The following ANKH variants were observed in gnomAD, a reference collection of about 807,000 sequenced individuals.
ANKH encodes the protein ANKH inorganic pyrophosphate transport regulator, also known as mineralization regulator ANKH.
In ANKH, 15 loss-of-function variants were observed where a neutral mutation model predicts 49.0. That is an observed-to-expected ratio of 0.31 (90% CI 0.20 to 0.47). The LOEUF (loss-of-function observed/expected upper bound fraction) is 0.47, where lower values mean the gene tolerates loss of function less well. Among genes scored for constraint, ANKH ranks in the 20% least tolerant of loss-of-function variants. ANKH has a pLI of 1.00. For synonymous variants in ANKH, 273 were observed against 260.0 expected (o/e 1.05, Z -0.48); for missense variants, 429 against 652.0 (o/e 0.66, Z 3.72).
intron 1 of ANKH, among the ~76,000 whole-genome samples, chr5:14,824,178 A>C (rs1741275532): frequency 6.6e-6 from 1 of 152,186 alleles, no homozygotes; most frequent in Non-Finnish European, 1.5e-5. Flanking sequence ...GAAAAAAAAT[A>C]GTCTCTGATG....
At chr5:14,756,468 A>G (rs1012926084) in intron 3 of ANKH, among the ~76,000 whole-genome samples, 4 of 152,230 alleles carry the variant, frequency 2.6e-5, no homozygotes, top group African/African-American at 9.6e-5. Flanking sequence ...CGAGGGGAGC[A>G]GACGAAAAGC....
In ANKH at chr5:14,803,488, C is replaced by G. The variant is rs538407589; in HGVS notation, c.97-34297G>C. Among the ~76,000 whole-genome samples, 6 of 152,282 alleles carry G rather than the reference C, an allele frequency of 3.9e-5. No homozygotes were observed. In the South Asian group the frequency reaches 1.2e-3, roughly 32 times the overall value. ...AGACATGGGGTTTCGCCATCTTGGCCAGGCTGGTCTCAAACTCCTGATCTC... is the reference window on the plus strand; with the variant it reads ...AGACATGGGGTTTCGCCATCTTGGCGAGGCTGGTCTCAAACTCCTGATCTC... On this transcript the variant is annotated intron_variant, in intron 1 of 11. Transcript: ENST00000284268.
chr5:14,751,742 C>T (rs1738727594), intron 4 of ANKH, among the ~76,000 whole-genome samples: 1 of 152,108 alleles, frequency 6.6e-6, no homozygotes, highest in Admixed American at 6.5e-5. Flanking sequence ...TCAAGAATTG[C>T]CACTGACATT....
intron 1 of ANKH, among the ~76,000 whole-genome samples, chr5:14,793,052 ATATAT>A (rs1740245780): frequency 2.1e-5 from 1 of 48,586 alleles, no homozygotes. Context: ...ATATATAAAT[ATATAT>A]AAAATATATA....
chr5:14,713,792 C>T lies in ANKH; in HGVS notation c.1142-125G>A, dbSNP rs760981706. On this transcript the variant is annotated intron_variant, in intron 9 of 11. Transcript: ENST00000284268. This position sits in a 1 kb window ranked among gnomAD's most constrained non-coding sequence, Gnocchi z 4.4. ...CTAGGACCCTGGCCTTGCTGTTGAG[C>T]CGCTGGCCACCTCATCTTCCTGCCA... 470 of 1,348,816 alleles carry T rather than the reference C, an allele frequency of 3.5e-4. No homozygotes were observed. Among genetic ancestry groups the T allele is most frequent in the Non-Finnish European group, 4.6e-4 (437 of 953,670 alleles). 83.6% of individuals were successfully genotyped at this position (1,348,816 alleles called of 1,614,324 possible).
At chr5:14,829,179 T>C (rs1812659) in intron 1 of ANKH, among the ~76,000 whole-genome samples, 68,024 of 135,216 alleles carry the variant, frequency 0.5, 16,567 homozygotes, top group East Asian at 0.76. Context: ...AGAGAGACTC[T>C]GTCTCAAAAA....
chr5:14,796,756 C>T (rs1365168274), intron 1 of ANKH, among the ~76,000 whole-genome samples: 1 of 152,180 alleles, frequency 6.6e-6, no homozygotes, highest in African/African-American at 2.4e-5. Flanking sequence ...ATGGCTCAGA[C>T]ACCTACCTCA....
At chr5:14,831,900 G>A (rs1741517478) in intron 1 of ANKH, among the ~76,000 whole-genome samples, 1 of 152,076 alleles carries the variant, frequency 6.6e-6, no homozygotes, top group Non-Finnish European at 1.5e-5. Context: ...AGAAAGATAA[G>A]GAAGATGAAT....
intron 1 of ANKH, among the ~76,000 whole-genome samples, chr5:14,785,508 A>T (rs1739946035): frequency 6.6e-6 from 1 of 152,210 alleles, no homozygotes; most frequent in Non-Finnish European, 1.5e-5. Flanking sequence ...TGCAGAAGCC[A>T]AACGGATGCC....
intron 1 of ANKH, among the ~76,000 whole-genome samples, chr5:14,836,704 T>G (rs1157525065): frequency 6.6e-6 from 1 of 152,102 alleles, no homozygotes; most frequent in African/African-American, 2.4e-5. Context: ...CAAGGTAATT[T>G]ATAGATTCAA....
intron 1 of ANKH, chr5:14,797,103 C>A: frequency 1.5e-6 from 2 of 1,356,136 alleles, no homozygotes; most frequent in South Asian, 1.2e-5. Context: ...AGTCTAAAAT[C>A]ACAAGAAGTA....
chr5:14,725,018 A>C lies in ANKH; in HGVS notation c.1012-8183T>G, dbSNP rs1737782230. On this transcript the variant is annotated intron_variant, in intron 8 of 11. Coordinates refer to ENST00000284268, the MANE Select transcript of ANKH (RefSeq NM_054027.6). This position sits in a 1 kb window ranked among gnomAD's most constrained non-coding sequence, Gnocchi z 4.0. ...ATAAAAATCGCTGGCCCTGGACATCATTTTTATTTGGCGCTTTTGCTTGAA... is the reference window on the plus strand; with the variant it reads ...ATAAAAATCGCTGGCCCTGGACATCCTTTTTATTTGGCGCTTTTGCTTGAA... Among the ~76,000 whole-genome samples the C allele has an allele frequency of 6.6e-6, 1 of 152,150 alleles. No homozygotes were observed. Among genetic ancestry groups the C allele is most frequent in the South Asian group, 2.1e-4 (1 of 4,830 alleles).
At chr5:14,774,688 T>C (rs907406570) in intron 1 of ANKH, among the ~76,000 whole-genome samples, 1 of 152,208 alleles carries the variant, frequency 6.6e-6, no homozygotes, top group African/African-American at 2.4e-5. Flanking sequence ...CTTCATTGCA[T>C]GTTCACTTCC....
rs1561015963 is a variant in ANKH at position 14,711,172 on chromosome 5, T to TG, written c.*24dup. The TG allele has an allele frequency of 6.4e-7, 1 of 1,563,820 alleles. No individual in the cohort carries two copies. Among genetic ancestry groups the TG allele is most frequent in the East Asian group, 2.2e-5 (1 of 44,644 alleles). Reference sequence around the variant, plus strand: ...AAGTGTCATCCTGACTGACTGTCCCTGCAGTGCCCATGGCGTCCCGTGCCT... The same window carrying TG: ...AAGTGTCATCCTGACTGACTGTCCCTGGCAGTGCCCATGGCGTCCCGTGCCT... On this transcript the variant is annotated 3_prime_UTR_variant, in exon 12 of 12. Transcript: ENST00000284268.
chr5:14,787,587 G>A (rs1333659895), intron 1 of ANKH, among the ~76,000 whole-genome samples: 2 of 152,066 alleles, frequency 1.3e-5, no homozygotes, highest in Admixed American at 6.6e-5. Flanking sequence ...ATGATAAAGA[G>A]CAGAGCAGAT....
At chr5:14,854,378 C>T (rs1004216558) in intron 1 of ANKH, among the ~76,000 whole-genome samples, 1 of 152,204 alleles carries the variant, frequency 6.6e-6, no homozygotes, top group Non-Finnish European at 1.5e-5. Flanking sequence ...CACAACCTAG[C>T]TCTTTTAAAG....
At chr5:14,797,968 G>C (rs1173659096) in intron 1 of ANKH, 2 of 1,567,128 alleles carry the variant, frequency 1.3e-6, no homozygotes, top group African/African-American at 2.7e-5. Flanking sequence ...TCACTGGAAG[G>C]AGTCTTTGTT....
chr5:14,841,481 G>A (rs765384216), intron 1 of ANKH, among the ~76,000 whole-genome samples: 6 of 152,132 alleles, frequency 3.9e-5, no homozygotes, highest in Admixed American at 3.3e-4. Context: ...ATTTTTGGTA[G>A]AGATGGGATT....
chr5:14,823,287 A>G (rs914543514), intron 1 of ANKH, among the ~76,000 whole-genome samples: 1 of 152,214 alleles, frequency 6.6e-6, no homozygotes, highest in Non-Finnish European at 1.5e-5. Context: ...CATTTATTTT[A>G]TTAGTCATAA....
Sources: gnomAD v4.1 joint callset for allele counts (sites outside exome capture counted in the v4.1 genomes callset) on GRCh38, gnomAD v4.1.1 for gene constraint, Gnocchi (gnomAD v3.1) non-coding constraint, MANE v1.5 for transcripts, NCBI Gene and HGNC (gene_info 2026-07-23, HGNC 2026-07-21) for gene names.